Variants in RPRD1A observed in about 807,000 individuals in gnomAD.
The protein encoded by RPRD1A is regulation of nuclear pre-mRNA domain-containing protein 1A.
A neutral mutation model predicts 37.8 loss-of-function variants in RPRD1A; 9 were observed. The ratio of observed to expected loss-of-function variants is 0.24; its 90% CI spans 0.14 to 0.42. The LOEUF (loss-of-function observed/expected upper bound fraction) is 0.42. Among genes scored for constraint, RPRD1A ranks in the 10% least tolerant of loss-of-function variants. RPRD1A has a pLI of 1.00. For synonymous variants in RPRD1A, 138 were observed against 139.7 expected (o/e 0.99, Z 0.08); for missense variants, 255 against 371.0 (o/e 0.69, Z 2.57).
At chr18:36,017,479 C>T (rs1353701639) in intron 6 of RPRD1A, among the ~76,000 whole-genome samples, 2 of 152,180 alleles carry the variant, frequency 1.3e-5, no homozygotes, top group Non-Finnish European at 2.9e-5. Flanking sequence ...TCCTTTCTTC[C>T]CTTTGGCCTG....
intron 1 of RPRD1A, among the ~76,000 whole-genome samples, chr18:36,059,683 T>C (rs57565368): frequency 0.12 from 17,607 of 152,130 alleles, 1,257 homozygotes; most frequent in East Asian, 0.25. Flanking sequence ...CCAATTTGAT[T>C]TTTTCAAAGA....
chr18:35,997,983 T>C (rs1268640192), intron 6 of RPRD1A, among the ~76,000 whole-genome samples: 1 of 152,248 alleles, frequency 6.6e-6, no homozygotes, highest in Non-Finnish European at 1.5e-5. Context: ...ACTCATTTTT[T>C]AACATCTTCA....
chr18:36,055,661 C>A lies in RPRD1A; in HGVS notation c.151+11593G>T, dbSNP rs537046673. ...ATTAAAGTGATAATTCCAGAAATATCAAAAAATTTGTTCTTATAAATAACA... is the reference window on the plus strand; with the variant it reads ...ATTAAAGTGATAATTCCAGAAATATAAAAAAATTTGTTCTTATAAATAACA... On this transcript the variant is annotated intron_variant, in intron 1 of 6. Coordinates refer to ENST00000399022, the MANE Select transcript of RPRD1A (RefSeq NM_018170.5). 1.3e-4 allele frequency among the ~76,000 whole-genome samples: 20 copies of A among 148,928 alleles called. 1 individual carries two copies. The highest frequency in any genetic ancestry group is 4.4e-4 in the African/African-American group (18 of 41,338).
chr18:36,027,829 G>A (rs1911483757), intron 4 of RPRD1A: 1 of 152,644 alleles, frequency 6.6e-6, no homozygotes. Context: ...CAAGAGAAAT[G>A]TAGTTCTAGA....
At chr18:36,022,036 G>T (rs1789541) in intron 6 of RPRD1A, among the ~76,000 whole-genome samples, 151,157 of 152,306 alleles carry the variant, frequency 0.99, 75,016 homozygotes, top group East Asian at 1. Context: ...TACACACAAA[G>T]AAGAAAGCTA....
intron 4 of RPRD1A, among the ~76,000 whole-genome samples, chr18:36,029,750 T>C (rs889438965): frequency 2.6e-5 from 4 of 151,958 alleles, no homozygotes; most frequent in Non-Finnish European, 5.9e-5. Flanking sequence ...TCCACAGAAT[T>C]ACATAGTTCT....
chr18:36,015,811 G>C (rs977232778), intron 6 of RPRD1A, among the ~76,000 whole-genome samples: 8 of 152,116 alleles, frequency 5.3e-5, no homozygotes, highest in Admixed American at 2.6e-4. Context: ...GGGTGAAGGC[G>C]GAAATGAGAA....
chr18:36,054,259 G>A (rs1456834794), intron 1 of RPRD1A, among the ~76,000 whole-genome samples: 2 of 152,198 alleles, frequency 1.3e-5, no homozygotes, highest in Admixed American at 1.3e-4. Context: ...GGGAGGCCAA[G>A]ACAGGCAGAT....
chr18:36,041,233 C>G (rs1159759256), intron 1 of RPRD1A, among the ~76,000 whole-genome samples: 1 of 152,188 alleles, frequency 6.6e-6, no homozygotes, highest in East Asian at 1.9e-4. Context: ...CCCCACGTAT[C>G]TCTCCTGAAA....
At chr18:36,001,822 A>T (rs1261359951) in intron 6 of RPRD1A, among the ~76,000 whole-genome samples, 1 of 152,192 alleles carries the variant, frequency 6.6e-6, no homozygotes, top group Non-Finnish European at 1.5e-5. Flanking sequence ...CGTCCTTGTT[A>T]TTCGACCTCT....
intron 6 of RPRD1A, among the ~76,000 whole-genome samples, chr18:36,014,921 A>T (rs925050351): frequency 1.3e-5 from 2 of 152,152 alleles, no homozygotes; most frequent in Admixed American, 1.3e-4. Flanking sequence ...TAGGATAGCT[A>T]CTATCAACAA....
chr18:36,044,045 G>A (rs1431808541), intron 1 of RPRD1A, among the ~76,000 whole-genome samples: 2 of 152,152 alleles, frequency 1.3e-5, no homozygotes, highest in South Asian at 2.1e-4. Context: ...AAAAGAAAAT[G>A]TTAAGAAAAT....
chr18:36,042,206 G>A (rs1055328659), intron 1 of RPRD1A, among the ~76,000 whole-genome samples: 11 of 151,998 alleles, frequency 7.2e-5, no homozygotes, highest in African/African-American at 2.2e-4. Flanking sequence ...CCTGACCAAC[G>A]AGCCCACATA....
At chr18:36,016,048 C>A (rs1910546666) in intron 6 of RPRD1A, among the ~76,000 whole-genome samples, 1 of 152,108 alleles carries the variant, frequency 6.6e-6, no homozygotes, top group African/African-American at 2.4e-5. Flanking sequence ...CTTTCAATCA[C>A]TACATACATT....
chr18:35,993,662 A>G (rs759010633), intron 6 of RPRD1A, among the ~76,000 whole-genome samples: 34 of 152,314 alleles, frequency 2.2e-4, no homozygotes, highest in Non-Finnish European at 4.3e-4. Flanking sequence ...ATGAAAACTC[A>G]GTAGGAATGG....
chr18:36,009,425 C>T (rs1259424930), intron 6 of RPRD1A, among the ~76,000 whole-genome samples: 1 of 152,122 alleles, frequency 6.6e-6, no homozygotes, highest in Non-Finnish European at 1.5e-5. Context: ...TGTGTTGTTC[C>T]AACCTCCTGC....
rs778437944 is a variant in RPRD1A, at chr18:36,026,940, C to T, written c.749G>A (p.Cys250Tyr). The T allele has an allele frequency of 1.9e-6, 3 of 1,613,904 alleles. No homozygotes were observed. The highest frequency in any genetic ancestry group is 2.5e-6 in the Non-Finnish European group (3 of 1,179,816). Reference protein sequence around the residue: ...LTRMLADFLRCQKEALAEKEH... With the variant: ...LTRMLADFLRYQKEALAEKEH... Reference sequence around the variant, plus strand: ...TTTCTCTGCAAGGGCTTCCTTTTGACAACGAAGAAAATCTGCTAACATTCG... The same window carrying T: ...TTTCTCTGCAAGGGCTTCCTTTTGATAACGAAGAAAATCTGCTAACATTCG... The change falls in exon 6 of 7, where the codon TGT (cysteine) becomes TAT (tyrosine). Residue 250 changes from cysteine to tyrosine, a missense_variant. Physicochemically the swap from Cys to Tyr is radical, Grantham distance 194. This residue lies in a region of RPRD1A where 211 missense variants were observed against 268.9 expected (regional missense o/e 0.78). Transcript: ENST00000399022.
intron 1 of RPRD1A, chr18:36,062,973 C>G (rs1343874132): frequency 2.0e-5 from 3 of 152,102 alleles, no homozygotes; most frequent in African/African-American, 7.2e-5. Flanking sequence ...AAAATGGTCA[C>G]TTACATTTTT....
intron 1 of RPRD1A, among the ~76,000 whole-genome samples, chr18:36,066,587 C>T (rs1285043954): frequency 2.0e-5 from 3 of 152,200 alleles, no homozygotes; most frequent in Non-Finnish European, 2.9e-5. Context: ...ACTTCATTTA[C>T]AGGAACACTA....
Sources: gnomAD v4.1 joint callset for allele counts (sites outside exome capture counted in the v4.1 genomes callset) on GRCh38, gnomAD v4.1.1 for gene constraint, gnomAD v4.1.1 regional missense constraint, MANE v1.5 for transcripts, NCBI Gene and HGNC (gene_info 2026-07-23, HGNC 2026-07-21) for gene names.